The following RELN variants were observed in gnomAD, a reference collection of about 807,000 sequenced individuals.
The protein encoded by RELN is reelin.
Under a neutral mutation model 427.6 loss-of-function variants are expected in RELN, and 108 were observed. That is an observed-to-expected ratio of 0.25 (90% CI 0.22 to 0.30). The LOEUF (loss-of-function observed/expected upper bound fraction) is 0.30, where lower values mean the gene tolerates loss of function less well. Among genes scored for constraint, RELN ranks in the 10% least tolerant of loss-of-function variants. The pLI is 1.00. For synonymous variants in RELN, 1,524 were observed against 1,513.4 expected (o/e 1.01, Z -0.16); for missense variants, 3,715 against 4,302.8 (o/e 0.86, Z 3.82).
Position 103,883,242 on chromosome 7 carries a change from A to T in RELN, c.337+33833T>A, listed in dbSNP as rs118119923. 4.0e-3 allele frequency among the ~76,000 whole-genome samples: 602 copies of T among 152,254 alleles called. 23 individuals carry two copies. In the East Asian group the frequency reaches 0.072, roughly 18 times the overall value. ...CCTTTGACAAAATTCACCACCCCTT[A>T]ATGCTAAAAACACTCAACTGGGTAT... On this transcript the variant is annotated intron_variant, in intron 2 of 64. Coordinates refer to ENST00000428762, the MANE Select transcript of RELN (RefSeq NM_005045.4).
intron 2 of RELN, among the ~76,000 whole-genome samples, chr7:103,894,961 C>G (rs1270687249): frequency 6.6e-6 from 1 of 152,146 alleles, no homozygotes; most frequent in Non-Finnish European, 1.5e-5. Context: ...TCTGGCTCAA[C>G]CATGTAATCT....
At chr7:103,647,221 A>C (rs1832815970) in intron 16 of RELN, among the ~76,000 whole-genome samples, 1 of 151,972 alleles carries the variant, frequency 6.6e-6, no homozygotes, top group Non-Finnish European at 1.5e-5. Flanking sequence ...CAATCAGGCA[A>C]GACAAAGAAA....
intron 49 of RELN, among the ~76,000 whole-genome samples, chr7:103,517,076 G>A (rs533475962): frequency 2.0e-5 from 3 of 152,198 alleles, no homozygotes; most frequent in Non-Finnish European, 2.9e-5. Context: ...TCACCTGTGC[G>A]GGTACTGGCA....
chr7:103,537,069 C>T (rs1830068679), intron 45 of RELN, among the ~76,000 whole-genome samples: 1 of 152,206 alleles, frequency 6.6e-6, no homozygotes, highest in Non-Finnish European at 1.5e-5. Context: ...AATACTTTTA[C>T]ACTGGTTTTC....
intron 3 of RELN, among the ~76,000 whole-genome samples, chr7:103,827,513 T>A (rs1246992216): frequency 1.3e-5 from 2 of 152,000 alleles, no homozygotes; most frequent in Non-Finnish European, 2.9e-5. Flanking sequence ...ACTAAATCCC[T>A]AGGAAGCATT....
At chr7:103,589,299 AT>A (rs1371101590) in intron 28 of RELN, among the ~76,000 whole-genome samples, 1 of 152,244 alleles carries the variant, frequency 6.6e-6, no homozygotes, top group African/African-American at 2.4e-5. Flanking sequence ...CTATTTCTTT[AT>A]GTATACATTT....
At chr7:103,599,848 T>G (rs1173636837) in intron 24 of RELN, among the ~76,000 whole-genome samples, 1 of 152,142 alleles carries the variant, frequency 6.6e-6, no homozygotes, top group African/African-American at 2.4e-5. Flanking sequence ...AGAGACCATC[T>G]TGAATATTTG....
At chr7:103,511,479 C>T (rs1054427845) in intron 50 of RELN, among the ~76,000 whole-genome samples, 1 of 152,026 alleles carries the variant, frequency 6.6e-6, no homozygotes, top group Non-Finnish European at 1.5e-5. Flanking sequence ...GAGTTAACTA[C>T]TACTCACATT....
chr7:103,971,157 A>C (rs1023728264), intron 1 of RELN, among the ~76,000 whole-genome samples: 1 of 151,622 alleles, frequency 6.6e-6, no homozygotes, highest in Non-Finnish European at 1.5e-5. Context: ...TATCTCAAAA[A>C]AAAAAAAAAA....
rs200007424 is a variant in RELN, at chr7:103,636,362, A to T, written c.2176T>A (p.Phe726Ile). The T allele has an allele frequency of 4.5e-5, 73 of 1,613,928 alleles. No individual in the cohort carries two copies. The highest frequency in any genetic ancestry group is 6.2e-5 in the Non-Finnish European group (73 of 1,179,896). Residue 726 changes from phenylalanine (F) to isoleucine (I), a missense_variant, in exon 18 of 65, where the codon TTT (phenylalanine) becomes ATT (isoleucine). Physicochemically the swap from Phe to Ile is conservative, Grantham distance 21. Coordinates refer to ENST00000428762, the MANE Select transcript of RELN (RefSeq NM_005045.4). ...GSSRLSSYHN[F>I]YSIRGAEVSF... ...ACTTCAGCACCACGGATAGAGTAAA[A>T]GTTATGGTAAGAGGAGAGCCTGGAA...
intron 4 of RELN, among the ~76,000 whole-genome samples, chr7:103,770,315 A>T (rs1413192786): frequency 1.3e-5 from 2 of 152,136 alleles, no homozygotes; most frequent in East Asian, 3.9e-4. Flanking sequence ...CAATCTCCTG[A>T]CTTCGTGATC....
chr7:103,776,228 C>T (rs1038722888), intron 4 of RELN, among the ~76,000 whole-genome samples: 2 of 151,982 alleles, frequency 1.3e-5, no homozygotes, highest in Non-Finnish European at 2.9e-5. Flanking sequence ...ACAAAGCTGA[C>T]AGGATATTTA....
intron 7 of RELN, among the ~76,000 whole-genome samples, chr7:103,723,682 T>A (rs1790133400): frequency 6.6e-6 from 1 of 152,186 alleles, no homozygotes; most frequent in Non-Finnish European, 1.5e-5. Context: ...GTCATAGGCT[T>A]TCTTTGTGGA....
chr7:103,814,702 C>G (rs1792827049), intron 3 of RELN, among the ~76,000 whole-genome samples: 1 of 152,012 alleles, frequency 6.6e-6, no homozygotes, highest in South Asian at 2.1e-4. Context: ...AGGTTCATCA[C>G]AGTGTGATGA....
At chr7:103,727,484 C>G (rs61283906) in intron 7 of RELN, among the ~76,000 whole-genome samples, 23,026 of 152,124 alleles carry the variant, frequency 0.15, 1,987 homozygotes, top group East Asian at 0.3. Context: ...TAGCCACATG[C>G]TGATGGCTAG....
At chr7:103,600,631 C>T (rs995881635) in intron 24 of RELN, among the ~76,000 whole-genome samples, 5 of 151,946 alleles carry the variant, frequency 3.3e-5, no homozygotes, top group African/African-American at 1.2e-4. Flanking sequence ...AAATTTCTCC[C>T]TTTTTTTTAC....
chr7:103,624,575 C>T (rs182630150), intron 20 of RELN, among the ~76,000 whole-genome samples: 136 of 152,172 alleles, frequency 8.9e-4, no homozygotes, highest in Middle Eastern at 6.8e-3. Context: ...TACAGGCGTC[C>T]GCCACCAGGC....
At chr7:103,869,505 T>C (rs1217084341) in intron 2 of RELN, among the ~76,000 whole-genome samples, 1 of 152,136 alleles carries the variant, frequency 6.6e-6, no homozygotes, top group African/African-American at 2.4e-5. Flanking sequence ...ATTTTTATTT[T>C]GAGGATATTA....
intron 8 of RELN, among the ~76,000 whole-genome samples, chr7:103,719,490 A>C (rs1432954419): frequency 2.6e-5 from 4 of 152,106 alleles, no homozygotes; most frequent in African/African-American, 9.7e-5. Flanking sequence ...CTTCTACTAC[A>C]TTGTTAAGTG....
Sources: gnomAD v4.1 joint callset for allele counts (sites outside exome capture counted in the v4.1 genomes callset) on GRCh38, gnomAD v4.1.1 for gene constraint, MANE v1.5 for transcripts, NCBI Gene and HGNC (gene_info 2026-07-23, HGNC 2026-07-21) for gene names.